The following AMOTL2 variants were observed in gnomAD, a reference collection of about 807,000 sequenced individuals.
The protein encoded by AMOTL2 is angiomotin-like protein 2.
In AMOTL2, 33 loss-of-function variants were observed where a neutral mutation model predicts 78.4. The ratio of observed to expected loss-of-function variants is 0.42; its 90% CI spans 0.32 to 0.56. The LOEUF (loss-of-function observed/expected upper bound fraction) is 0.56, where lower values mean the gene tolerates loss of function less well. AMOTL2 is among the 20% of genes least tolerant of loss of function. The pLI, the probability that AMOTL2 is intolerant of heterozygous loss-of-function variation, is 0.12. For synonymous variants in AMOTL2, 422 were observed against 428.8 expected (o/e 0.98, Z 0.20); for missense variants, 983 against 1,030.1 (o/e 0.95, Z 0.63).
intron 6 of AMOTL2, among the ~76,000 whole-genome samples, 155 bp from the exon 7 acceptor site, chr3:134,360,568 C>T (rs902240812): frequency 1.3e-5 from 2 of 152,218 alleles, no homozygotes; most frequent in African/African-American, 4.8e-5. Flanking sequence ...AATGGGGATA[C>T]AGCACAGGTC....
At chr3:134,373,505 C>A (rs1455654922) in intron 1 of AMOTL2, 1 of 985,558 alleles carries the variant, frequency 1.0e-6, no homozygotes, top group South Asian at 4.7e-5. Context: ...TCCGCGCCCC[C>A]GGCCGCGAAC....
chr3:134,370,743 A>C lies in AMOTL2; in HGVS notation c.691T>G (p.Tyr231Asp). ...AAGTGCGGGCTGCCGCGGGCACGGT[A>C]CCGTGGGTCAGTGACAGCAGTGGTG... The part of the protein sequence containing the change: ...ETTTAVTDPR[Y>D]RARGSPHFQH... The change falls in exon 2 of 10, where the codon TAC (tyrosine) becomes GAC (aspartate). Residue 231 changes from tyrosine to aspartate, a missense_variant. Physicochemically the swap from Tyr to Asp is radical, Grantham distance 160. Coordinates refer to ENST00000249883, the MANE Select transcript of AMOTL2 (RefSeq NM_016201.4). 6.6e-7 allele frequency: 1 copy of C among 1,514,906 alleles called. No individual in the cohort carries two copies. The highest frequency in any genetic ancestry group is 8.8e-7 in the Non-Finnish European group (1 of 1,131,630). The allele number at this position is 1,514,906 out of a possible 1,614,324, so 93.8% of individuals were successfully genotyped here. A position where few individuals can be genotyped will look rare whatever the true frequency, so the allele number is the denominator to read the frequency against.
intron 1 of AMOTL2, chr3:134,373,587 C>T: frequency 2.0e-6 from 2 of 985,476 alleles, no homozygotes; most frequent in South Asian, 9.4e-5. Context: ...CAGCCTTGGC[C>T]TGGGCTCCTG....
chr3:134,366,419 G>A lies in AMOTL2; in HGVS notation c.1050C>T (p.Ser350=), dbSNP rs2017607241. The A allele has an allele frequency of 2.5e-6, 4 of 1,612,166 alleles. No homozygotes were observed. The highest frequency in any genetic ancestry group is 3.4e-6 in the Non-Finnish European group (4 of 1,179,694). The change falls in exon 4 of 10, where the codon AGC becomes AGT. Residue 350 remains serine, a synonymous_variant. Coordinates refer to ENST00000249883, the MANE Select transcript of AMOTL2 (RefSeq NM_016201.4). ...GGGCCTCAGAGAGCCGCTGGATTTC[G>A]CTTTCCAGCTGCAAGAGTCAGACAG... is the stretch of plus-strand genomic sequence containing the variant. ...EKAGRIEKLE[S]EIQRLSEAHE...
At chr3:134,367,416 T>C in intron 3 of AMOTL2, 81 bp downstream of exon 3, 1 of 1,517,176 alleles carries the variant, frequency 6.6e-7, no homozygotes, top group Non-Finnish European at 9.0e-7. Context: ...CTCCTCTGCC[T>C]CTCCTTGGAC....
In AMOTL2 at chr3:134,366,373, A is replaced by C. The variant is rs757243054; in HGVS notation, c.1096T>G (p.Ser366Ala). 1.9e-5 allele frequency: 30 copies of C among 1,613,880 alleles called. No homozygotes were observed. The highest frequency in any genetic ancestry group is 3.3e-5 in the South Asian group (3 of 91,062). Residue 366 changes from serine (S) to alanine (A), a missense_variant, in exon 4 of 10, where the codon TCC becomes GCC. Coordinates refer to ENST00000249883, the MANE Select transcript of AMOTL2 (RefSeq NM_016201.4). ...TTCTCCAGGGCCTCACGCTTGGAGG[A>C]GGCTCTGGTCAGGCTCTCATGGGCC... ...SEAHESLTRA[S>A]SKREALEKTM...
In AMOTL2 at chr3:134,371,125, C is replaced by T; in HGVS notation, c.309G>A (p.Glu103=). 1 of 1,613,598 alleles carries T rather than the reference C, an allele frequency of 6.2e-7. No homozygotes were observed. The highest frequency in any genetic ancestry group is 1.3e-5 in the African/African-American group (1 of 75,056). Residue 103 remains glutamate, a synonymous_variant, in exon 2 of 10, where the codon GAG becomes GAA. Coordinates refer to ENST00000249883, the MANE Select transcript of AMOTL2 (RefSeq NM_016201.4). ...CTTTGGCCTCCTCATAGGTGGGCAG[C>T]TCCTCTCCCTTGCTGGGCTGTGGGC... The part of the protein sequence containing the change: ...RLCPQPSKGE[E]LPTYEEAKAH...
Position 134,357,648 on chromosome 3 carries a change from G to C in AMOTL2, c.*57C>G, listed in dbSNP as rs1306063722. ...GACGGGGCTGCTGAAATGGCTGAGA[G>C]TGGCACAGGGCAGAGGAGGGGAGAG... On this transcript the variant is annotated 3_prime_UTR_variant, in exon 10 of 10. Coordinates refer to ENST00000249883, the MANE Select transcript of AMOTL2 (RefSeq NM_016201.4). The C allele has an allele frequency of 5.8e-6, 9 of 1,562,702 alleles. No homozygotes were observed. Among genetic ancestry groups the C allele is most frequent in the Non-Finnish European group, 7.9e-6 (9 of 1,133,546 alleles).
intron 1 of AMOTL2, chr3:134,371,812 CT>C (rs569525245): frequency 2.1e-3 from 659 of 314,508 alleles, no homozygotes; most frequent in Middle Eastern, 3.8e-3. Context: ...TAAACGATTA[CT>C]AATGATAACA....
intron 1 of AMOTL2, among the ~76,000 whole-genome samples, chr3:134,372,530 A>AACACACACACACACACACACACACACAC (rs58443336): frequency 3.8e-4 from 55 of 144,440 alleles, no homozygotes; most frequent in African/African-American, 1.2e-3. Context: ...TATCCTCCCC[A>AACACACACACACACACACACACACACAC]ACACACACAC....
At chr3:134,373,632 G>A (rs2017965572) in intron 1 of AMOTL2, 1 of 985,356 alleles carries the variant, frequency 1.0e-6, no homozygotes, top group African/African-American at 1.7e-5. Context: ...CTCCAAGCTA[G>A]GAGGTTCTGG....
At chr3:134,359,612 C>T (rs2017256270) in intron 7 of AMOTL2, 109 bp from the exon 8 acceptor site, 5 of 881,108 alleles carry the variant, frequency 5.7e-6, no homozygotes, top group Non-Finnish European at 8.8e-6. Flanking sequence ...CTCCCCCAAC[C>T]CTGCCAGGCT....
chr3:134,373,788 G>C lies in AMOTL2; in HGVS notation c.-62+554C>G, dbSNP rs911919107. ...TCGCGGGTCCGCCTCCCTCCCTCTCGAGCCCTCTTTGTTTTCCAAATACTC... is the reference window on the plus strand; with the variant it reads ...TCGCGGGTCCGCCTCCCTCCCTCTCCAGCCCTCTTTGTTTTCCAAATACTC... On this transcript the variant is annotated intron_variant, in intron 1 of 9. Transcript: ENST00000249883. 2.4e-5 allele frequency: 24 copies of C among 985,432 alleles called. No homozygotes were observed. In the African/African-American group the frequency reaches 3.1e-4, roughly 13 times the overall value. The allele number at this position is 985,432 out of a possible 1,614,324, so 61.0% of individuals were successfully genotyped here. A position where few individuals can be genotyped will look rare whatever the true frequency, so the allele number is the denominator to read the frequency against.
chr3:134,368,174 C>A (rs2017693879), intron 2 of AMOTL2, among the ~76,000 whole-genome samples: 1 of 152,118 alleles, frequency 6.6e-6, no homozygotes, highest in South Asian at 2.1e-4. Flanking sequence ...AAAAAATGCA[C>A]CCTGACACTT....
intron 1 of AMOTL2, 78 bp downstream of exon 1, chr3:134,374,264 C>T (rs2018001531): frequency 1.0e-6 from 1 of 985,466 alleles, no homozygotes; most frequent in Non-Finnish European, 1.2e-6. Context: ...GGCCGGGTTG[C>T]GCCGAGACTC....
In AMOTL2 at chr3:134,358,546, A is replaced by T; in HGVS notation, c.2278T>A (p.Ser760Thr). The change falls in exon 9 of 10, where the codon TCT (serine) becomes ACT (threonine). Residue 760 changes from serine (S) to threonine (T), a missense_variant. By Grantham distance (58) the Ser-to-Thr change is moderately conservative (BLOSUM62 1). Transcript: ENST00000249883. Reference sequence around the variant, plus strand: ...TGGGGTCAGGAGGACTTACCCAGAGAGGCTGCTCTCTGGCTACTGCTGCAC... The same window carrying T: ...TGGGGTCAGGAGGACTTACCCAGAGTGGCTGCTCTCTGGCTACTGCTGCAC... ...LGCSSSQRAA[S>T]LDSVATSRVQ... The T allele has an allele frequency of 6.2e-7, 1 of 1,613,014 alleles. No homozygotes were observed. Among genetic ancestry groups the T allele is most frequent in the Non-Finnish European group, 8.5e-7 (1 of 1,179,452 alleles).
chr3:134,361,456 G>A, intron 6 of AMOTL2, 56 bp downstream of exon 6: 1 of 1,507,774 alleles, frequency 6.6e-7, no homozygotes. Context: ...CCCCGAGGAG[G>A]AAGGGAAGCC....
Position 134,367,714 on chromosome 3 carries a change from G to T in AMOTL2, c.824C>A (p.Pro275Gln). Residue 275 changes from proline to glutamine, a missense_variant, in exon 3 of 10, where the codon CCA becomes CAA. Pro to Gln is a moderately conservative substitution (Grantham distance 76). Coordinates refer to ENST00000249883, the MANE Select transcript of AMOTL2 (RefSeq NM_016201.4). ...GCCATGGCCGAGAGCAGCTGGATGTGGGGGAGGGGGGTGCTCCTGAGATTG... is the reference window on the plus strand; with the variant it reads ...GCCATGGCCGAGAGCAGCTGGATGTTGGGGAGGGGGGTGCTCCTGAGATTG... ...LQQSQEHPPP[P>Q]HPAALGHGPL... is the part of the protein sequence containing the mutation. The T allele has an allele frequency of 1.2e-6, 2 of 1,613,684 alleles. No homozygotes were observed. The highest frequency in any genetic ancestry group is 1.7e-6 in the Non-Finnish European group (2 of 1,179,986).
chr3:134,373,923 T>A, intron 1 of AMOTL2: 1 of 809,868 alleles, frequency 1.2e-6, no homozygotes, highest in Non-Finnish European at 1.5e-6. Context: ...ATTCTTGGAC[T>A]AGTTGGGGGC....
Sources: gnomAD v4.1 joint callset for allele counts (sites outside exome capture counted in the v4.1 genomes callset) on GRCh38, gnomAD v4.1.1 for gene constraint, MANE v1.5 for transcripts, NCBI Gene and HGNC (gene_info 2026-07-23, HGNC 2026-07-21) for gene names.